Variants in CFAP263 observed in about 807,000 individuals in gnomAD.
CFAP263 encodes cilia and flagella associated protein 263, also known as cilia- and flagella-associated protein 263.
the CFAP263 span, chr16:58,252,935 G>T: frequency 1.5e-6 from 2 of 1,371,880 alleles, no homozygotes; most frequent in Non-Finnish European, 2.1e-6. Context: ...CCTTTGGTGC[G>T]CCCTCTGTGG....
the CFAP263 span, chr16:58,281,008 C>A: frequency 2.1e-6 from 1 of 481,918 alleles, no homozygotes; most frequent in Non-Finnish European, 3.7e-6. Flanking sequence ...GTTCATATTT[C>A]ATTTTCTTGC....
chr16:58,283,587 T>G, the CFAP263 span: 1 of 152,194 alleles, frequency 6.6e-6, no homozygotes, highest in Non-Finnish European at 1.5e-5. Context: ...ATTGGCAGCA[T>G]CTTAGATCTG....
the CFAP263 span, chr16:58,254,200 C>A: frequency 2.5e-6 from 4 of 1,603,838 alleles, no homozygotes; most frequent in Admixed American, 6.7e-5. Flanking sequence ...GCCCAGGCTC[C>A]CCACCTCTAC....
At chr16:58,251,854 CAT>C in the CFAP263 span, among the ~76,000 whole-genome samples, 1 of 152,236 alleles carries the variant, frequency 6.6e-6, no homozygotes, top group Admixed American at 6.5e-5. Context: ...CACACACACA[CAT>C]ACACACGTAT....
At chr16:58,259,173 A>G in the CFAP263 span, among the ~76,000 whole-genome samples, 135,703 of 152,164 alleles carry the variant, frequency 0.89, 60,754 homozygotes, top group East Asian at 0.99. Context: ...GGTCCAGCCT[A>G]TCTAGAGAGG....
the CFAP263 span, chr16:58,250,205 A>T: frequency 1.4e-6 from 1 of 703,004 alleles, no homozygotes; most frequent in Non-Finnish European, 2.4e-6. Flanking sequence ...CATGGAGAAG[A>T]TCCAAGCCCT....
the CFAP263 span, among the ~76,000 whole-genome samples, chr16:58,258,034 G>A: frequency 5.9e-5 from 9 of 151,708 alleles, no homozygotes; most frequent in South Asian, 1.9e-3. Flanking sequence ...CTCGAACCGA[G>A]GAGGCGGAGG....
the CFAP263 span, among the ~76,000 whole-genome samples, chr16:58,271,525 T>A: frequency 6.6e-6 from 1 of 152,202 alleles, no homozygotes; most frequent in African/African-American, 2.4e-5. Flanking sequence ...CCACATTACA[T>A]TTACTGCTAT....
the CFAP263 span, chr16:58,267,541 A>G: frequency 1.2e-6 from 2 of 1,613,932 alleles, no homozygotes; most frequent in Admixed American, 1.7e-5. Flanking sequence ...TGCTGAGAAA[A>G]GAGCTACTTG....
At chr16:58,280,176 A>G in the CFAP263 span, 1 of 1,534,872 alleles carries the variant, frequency 6.5e-7, no homozygotes, top group South Asian at 1.2e-5. Context: ...AATGCCTGGC[A>G]CTCAGCATTC....
chr16:58,267,920 A>C, the CFAP263 span, among the ~76,000 whole-genome samples: 2 of 152,100 alleles, frequency 1.3e-5, no homozygotes, highest in Non-Finnish European at 2.9e-5. Flanking sequence ...AAAATGTTTA[A>C]TGCCCGTAGT....
the CFAP263 span, chr16:58,267,453 A>T: frequency 5.3e-6 from 8 of 1,501,318 alleles, no homozygotes; most frequent in African/African-American, 1.1e-4. Context: ...TCTTAGCTCA[A>T]GACTTGCTGT....
chr16:58,262,303 T>A, the CFAP263 span: 8 of 1,322,696 alleles, frequency 6.0e-6, no homozygotes, highest in Non-Finnish European at 8.4e-6. Context: ...TCCAAAGTCT[T>A]GTCAAGAGTT....
the CFAP263 span, among the ~76,000 whole-genome samples, chr16:58,269,197 G>T: frequency 6.6e-6 from 1 of 152,100 alleles, no homozygotes; most frequent in East Asian, 1.9e-4. Context: ...CAGGCATGGT[G>T]GTGGGCACCT....
the CFAP263 span, among the ~76,000 whole-genome samples, chr16:58,258,043 G>T: frequency 6.6e-6 from 1 of 151,362 alleles, no homozygotes; most frequent in Non-Finnish European, 1.5e-5. Context: ...AGGAGGCGGA[G>T]GTTGCAATGA....
At chr16:58,255,753 C>T in the CFAP263 span, among the ~76,000 whole-genome samples, 8 of 151,870 alleles carry the variant, frequency 5.3e-5, no homozygotes, top group Admixed American at 3.9e-4. Context: ...TTAGTAGAGA[C>T]GGGGTTTCAC....
At chr16:58,254,743 T>A in the CFAP263 span, among the ~76,000 whole-genome samples, 12 of 152,052 alleles carry the variant, frequency 7.9e-5, no homozygotes, top group Non-Finnish European at 1.3e-4. Context: ...TAGCTGGTAC[T>A]GCAGGCGCCC....
chr16:58,280,856 G>C, the CFAP263 span: 3 of 1,191,002 alleles, frequency 2.5e-6, no homozygotes, highest in Non-Finnish European at 3.4e-6. Flanking sequence ...AATGTTTTAC[G>C]CTGGTTCTCA....
At chr16:58,275,791 GA>G in the CFAP263 span, among the ~76,000 whole-genome samples, 1 of 152,050 alleles carries the variant, frequency 6.6e-6, no homozygotes, top group Non-Finnish European at 1.5e-5. Context: ...AAACATTAAG[GA>G]AAAAATTAAG....
Sources: gnomAD v4.1 joint callset for allele counts (sites outside exome capture counted in the v4.1 genomes callset) on GRCh38, gnomAD v4.1.1 for gene constraint, MANE v1.5 for transcripts, NCBI Gene and HGNC (gene_info 2026-07-23, HGNC 2026-07-21) for gene names.